The following MCMBP variants were observed in gnomAD, a reference collection of about 807,000 sequenced individuals.
MCMBP encodes the protein mini-chromosome maintenance complex-binding protein.
MCMBP carries 31 observed loss-of-function variants against 81.3 expected under a neutral mutation model. That is an observed-to-expected ratio of 0.38 (90% CI 0.29 to 0.51). The LOEUF is 0.51. Among genes scored for constraint, MCMBP ranks in the 20% least tolerant of loss-of-function variants. The pLI is 0.87. For missense variants in MCMBP, 645 were observed against 772.1 expected (o/e 0.84, Z 1.95); for synonymous variants, 267 against 275.9 (o/e 0.97, Z 0.32).
At position 119,859,101 on chromosome 10, in the gene MCMBP, C is replaced by A; in HGVS notation, c.225G>T (p.Met75Ile). The A allele has an allele frequency of 3.7e-6, 6 of 1,613,912 alleles. No homozygotes were observed. Among genetic ancestry groups the A allele is most frequent in the Non-Finnish European group, 4.2e-6 (5 of 1,179,842 alleles). ...CTCCCATGTAAAACTCAGGGTCAAACATATCCTGAATCATGCAACGAAATT... is the reference window on the plus strand; with the variant it reads ...CTCCCATGTAAAACTCAGGGTCAAAAATATCCTGAATCATGCAACGAAATT... ...FVKFRCMIQDMFDPEFYMGVY... is the reference protein window; with the variant it reads ...FVKFRCMIQDIFDPEFYMGVY... The change falls in exon 3 of 16, where the codon ATG becomes ATT. Residue 75 changes from methionine (M) to isoleucine (I), a missense_variant. Coordinates refer to ENST00000369077, the MANE Select transcript of MCMBP (RefSeq NM_001256378.2).
chr10:119,864,113 T>C (rs1355692191), intron 1 of MCMBP, among the ~76,000 whole-genome samples: 1 of 152,218 alleles, frequency 6.6e-6, no homozygotes, highest in Non-Finnish European at 1.5e-5. Flanking sequence ...ACAACTCGAC[T>C]TGTTGTCTTT....
intron 1 of MCMBP, among the ~76,000 whole-genome samples, chr10:119,862,346 T>TG (rs1853290527): frequency 6.6e-6 from 1 of 151,786 alleles, no homozygotes; most frequent in Non-Finnish European, 1.5e-5. Context: ...AAAGAAAAAA[T>TG]TATCAAGACA....
At chr10:119,847,588 C>A in intron 8 of MCMBP, 25 bp downstream of exon 8, 1 of 1,415,998 alleles carries the variant, frequency 7.1e-7, no homozygotes, top group Admixed American at 1.9e-5. Context: ...ATAAAGGAGA[C>A]CAAAAAAAGA....
chr10:119,869,393 G>A (rs1436615921), intron 1 of MCMBP, among the ~76,000 whole-genome samples: 1 of 152,182 alleles, frequency 6.6e-6, no homozygotes, highest in African/African-American at 2.4e-5. Flanking sequence ...CCAACATGGT[G>A]AAACCCTGTC....
In MCMBP at chr10:119,843,365, G is replaced by C; in HGVS notation, c.889C>G (p.His297Asp). 1 of 1,614,082 alleles carries C rather than the reference G, an allele frequency of 6.2e-7. No individual in the cohort carries two copies. Residue 297 changes from histidine to aspartate, a missense_variant, in exon 9 of 16, where the codon CAC becomes GAC. By Grantham distance (81) the His-to-Asp change is moderately conservative (BLOSUM62 -1). Transcript: ENST00000369077. ...GGCACTAATGAAGCAGGAGGACTGT[G>C]TACTCTCTGCTCCTCTGCTGTGTCT... ...CTDTAEEQRVHSPPASLVPRI... is the reference protein window; with the variant it reads ...CTDTAEEQRVDSPPASLVPRI...
Position 119,831,061 on chromosome 10 carries a change from A to AGAG in MCMBP, c.*410_*412dup, listed in dbSNP as rs1491173908. The AGAG allele has an allele frequency of 1.9e-5, 3 of 154,466 alleles. No individual in the cohort carries two copies. The highest frequency in any genetic ancestry group is 7.4e-5 in the African/African-American group (3 of 40,590). The allele number at this position is 154,466 out of a possible 1,614,324, so 9.6% of individuals were successfully genotyped here. A position where few individuals can be genotyped will look rare whatever the true frequency, so the allele number is the denominator to read the frequency against. On this transcript the variant is annotated 3_prime_UTR_variant, in exon 16 of 16. Coordinates refer to ENST00000369077, the MANE Select transcript of MCMBP (RefSeq NM_001256378.2). Reference sequence around the variant, plus strand: ...CCAACCCACTGTGAACTGGAAAAACAGAGAACTAGAAAACATAAGAAATCC... The same window carrying AGAG: ...CCAACCCACTGTGAACTGGAAAAACAGAGGAGAACTAGAAAACATAAGAAATCC...
chr10:119,831,517 G>C lies in MCMBP; in HGVS notation c.1880C>G (p.Thr627Arg). 6.2e-7 allele frequency: 1 copy of C among 1,613,966 alleles called. No homozygotes were observed. The highest frequency in any genetic ancestry group is 8.5e-7 in the Non-Finnish European group (1 of 1,179,934). The stretch of plus-strand genomic sequence containing the variant: ...CACACATTTTTGCTGCTGAAGCCTC[G>C]TTCTTCTTAAAGACTCTAGCTGCTT... ...RAKQLESLRR[T>R]RLQQQKCVNG... Residue 627 changes from threonine to arginine, a missense_variant, in exon 16 of 16, where the codon ACG becomes AGG. Coordinates refer to ENST00000369077, the MANE Select transcript of MCMBP (RefSeq NM_001256378.2).
chr10:119,857,297 A>G, intron 5 of MCMBP, 41 bp downstream of exon 5: 1 of 1,392,732 alleles, frequency 7.2e-7, no homozygotes, highest in Non-Finnish European at 1.0e-6. Context: ...CTAAGTTTTT[A>G]GAAACCATCA....
intron 1 of MCMBP, 95 bp from the exon 2 acceptor site, chr10:119,859,979 AAAC>A: frequency 1.2e-6 from 1 of 857,618 alleles, no homozygotes; most frequent in Non-Finnish European, 1.8e-6. Context: ...AGTCAGCAAA[AAAC>A]AAACTAAAAT....
At chr10:119,836,429 T>C (rs1852244177) in intron 13 of MCMBP, among the ~76,000 whole-genome samples, 1 of 152,224 alleles carries the variant, frequency 6.6e-6, no homozygotes. Context: ...ATCCACAGAA[T>C]TAAAAGCTCT....
Position 119,832,065 on chromosome 10 carries a change from G to A in MCMBP, c.1743C>T (p.Asn581=), listed in dbSNP as rs1006170029. The part of the protein sequence containing the change: ...VEDDFVEMRK[N]DPQSITADDL... ...CATCAGCAGTGATGCTCTGAGGGTC[G>A]TTCTTCCGCATTTCCACAAAGTCAT... Residue 581 remains asparagine, a synonymous_variant, in exon 15 of 16, where the codon AAC becomes AAT. Transcript: ENST00000369077. The A allele has an allele frequency of 8.7e-6, 14 of 1,613,000 alleles. No homozygotes were observed. In the Admixed American group the frequency reaches 1.3e-4, roughly 15 times the overall value.
chr10:119,836,249 T>C (rs1042644126), intron 13 of MCMBP, among the ~76,000 whole-genome samples: 18 of 152,264 alleles, frequency 1.2e-4, no homozygotes, highest in Non-Finnish European at 2.4e-4. Context: ...CACAAAAATG[T>C]AGCCAACCTC....
chr10:119,841,129 T>C (rs1472904012), intron 10 of MCMBP, among the ~76,000 whole-genome samples, 169 bp from the exon 11 acceptor site: 1 of 152,272 alleles, frequency 6.6e-6, no homozygotes, highest in Non-Finnish European at 1.5e-5. Flanking sequence ...CCAATATTTG[T>C]ACGTAAGTGC....
At chr10:119,862,295 G>C (rs1853285735) in intron 1 of MCMBP, among the ~76,000 whole-genome samples, 1 of 151,874 alleles carries the variant, frequency 6.6e-6, no homozygotes, top group South Asian at 2.1e-4. Flanking sequence ...CGACTAGAGT[G>C]AATCTTCGTC....
At chr10:119,864,193 A>T (rs1853366747) in intron 1 of MCMBP, among the ~76,000 whole-genome samples, 1 of 152,240 alleles carries the variant, frequency 6.6e-6, no homozygotes, top group Non-Finnish European at 1.5e-5. Context: ...AAAGGAACAG[A>T]TTCTCTCCTA....
At chr10:119,872,233 G>GAGGCCGTCAATCAC (rs1399682088) in intron 1 of MCMBP, among the ~76,000 whole-genome samples, 1 of 151,338 alleles carries the variant, frequency 6.6e-6, no homozygotes, top group African/African-American at 2.4e-5. Flanking sequence ...GGCTGGGAGC[G>GAGGCCGTCAATCAC]AGGCCGTCAA....
chr10:119,833,152 C>T (rs1473676718), intron 14 of MCMBP, among the ~76,000 whole-genome samples: 3 of 152,158 alleles, frequency 2.0e-5, no homozygotes, highest in Admixed American at 2.0e-4. Flanking sequence ...AAATTTCTTT[C>T]CAATCATTAA....
In MCMBP at chr10:119,872,559, C is replaced by T. The variant is rs1186536972; in HGVS notation, c.26G>A (p.Ser9Asn). 1.7e-6 allele frequency: 2 copies of T among 1,187,778 alleles called. No homozygotes were observed. The highest frequency in any genetic ancestry group is 1.6e-5 in the African/African-American group (1 of 61,962). 73.6% of individuals were successfully genotyped at this position (1,187,778 alleles called of 1,614,324 possible). The change falls in exon 1 of 16, where the codon AGC (serine) becomes AAC (asparagine). Residue 9 changes from serine (S) to asparagine (N), a missense_variant. Coordinates refer to ENST00000369077, the MANE Select transcript of MCMBP (RefSeq NM_001256378.2). MPCGEDWL[S>N]HPLGIVQGFF... The stretch of plus-strand genomic sequence containing the variant: ...TCCCTGCACGATTCCCAGCGGGTGG[C>T]TGAGCCAATCCTCCCCACACGGCAT...
chr10:119,858,565 T>G (rs1467881749), intron 4 of MCMBP, among the ~76,000 whole-genome samples: 1 of 152,154 alleles, frequency 6.6e-6, no homozygotes, highest in Non-Finnish European at 1.5e-5. Context: ...AACAGTGAGA[T>G]TACCATTGGC....
Sources: allele counts gnomAD v4.1 joint callset (sites outside exome capture counted in the v4.1 genomes callset), GRCh38; gene constraint gnomAD v4.1.1; transcripts MANE v1.5; gene names NCBI Gene and HGNC (gene_info 2026-07-23, HGNC 2026-07-21).